The following KATNB1 variants were observed in gnomAD, a reference collection of about 807,000 sequenced individuals.
KATNB1 encodes katanin p80 WD40 repeat-containing subunit B1.
Under a neutral mutation model 82.3 loss-of-function variants are expected in KATNB1, and 38 were observed. The observed-to-expected ratio is 0.46, with a 90% CI of 0.36 to 0.61. KATNB1 has a LOEUF of 0.61. KATNB1 is among the 20% of genes least tolerant of loss of function. KATNB1 has a pLI of 0.00. For missense variants in KATNB1, 749 were observed against 915.7 expected (o/e 0.82, Z 2.35); for synonymous variants, 361 against 368.7 (o/e 0.98, Z 0.24).
chr16:57,743,292 C>CAAAAGA (rs1188039732), intron 3 of KATNB1, among the ~76,000 whole-genome samples: 1 of 151,986 alleles, frequency 6.6e-6, no homozygotes, highest in Non-Finnish European at 1.5e-5. Context: ...GATTCCATCT[C>CAAAAGA]AAAAGAAAAA....
Position 57,753,188 on chromosome 16 carries a change from G to C in KATNB1, c.967G>C (p.Ala323Pro), listed in dbSNP as rs782231949. 2.2e-5 allele frequency: 35 copies of C among 1,609,156 alleles called. No individual in the cohort carries two copies. Among genetic ancestry groups the C allele is most frequent in the Non-Finnish European group, 2.9e-5 (34 of 1,179,580 alleles). Residue 323 changes from alanine to proline, a missense_variant, in exon 11 of 20, where the codon GCA (alanine) becomes CCA (proline). Ala to Pro is a conservative substitution (Grantham distance 27, BLOSUM62 -1). Coordinates refer to ENST00000379661, the MANE Select transcript of KATNB1 (RefSeq NM_005886.3). ...CCCTGTGCAGGACCACCGGCCCCTG[G>C]CACAGCCACTGCCCAACCCCAGCGC... Reference protein sequence around the residue: ...RDPVQDHRPLAQPLPNPSAPL... With the variant: ...RDPVQDHRPLPQPLPNPSAPL...
chr16:57,750,356 G>A (rs369601643), intron 4 of KATNB1, among the ~76,000 whole-genome samples: 31 of 152,210 alleles, frequency 2.0e-4, no homozygotes, highest in Non-Finnish European at 3.8e-4. Flanking sequence ...TTGGCAGGAC[G>A]CAGTGGCTCA....
At chr16:57,741,872 G>C in intron 3 of KATNB1, 55 bp downstream of exon 3, 1 of 1,563,050 alleles carries the variant, frequency 6.4e-7, no homozygotes, top group South Asian at 1.2e-5. Flanking sequence ...AGGGGACGGG[G>C]ACAGGGGTTG....
At chr16:57,740,292 C>T (rs1267149827) in intron 2 of KATNB1, among the ~76,000 whole-genome samples, 1 of 152,188 alleles carries the variant, frequency 6.6e-6, no homozygotes, top group African/African-American at 2.4e-5. Context: ...CCCCGACCGG[C>T]CCAGGAGGCA....
intron 18 of KATNB1, 71 bp downstream of exon 18, chr16:57,756,137 TG>T (rs1324017532): frequency 1.3e-6 from 2 of 1,529,448 alleles, no homozygotes; most frequent in African/African-American, 2.7e-5. Flanking sequence ...TCCAGAACCA[TG>T]GGAAGGACCC....
intron 16 of KATNB1, 143 bp from the exon 17 acceptor site, chr16:57,755,697 CT>C: frequency 1.0e-6 from 1 of 983,328 alleles, no homozygotes. Context: ...CATGCCTGGC[CT>C]TACACTCATT....
Position 57,744,479 on chromosome 16 carries a change from C to T in KATNB1, c.257C>T (p.Ser86Phe). ...ELIVAGSQSG[S>F]IRVWDLEAAK... ...ATCGTGGCCGGCTCTCAGTCGGGCT[C>T]CATCCGTGTCTGGGACCTGGAAGCT... Residue 86 changes from serine (S) to phenylalanine (F), a missense_variant, in exon 4 of 20, where the codon TCC becomes TTC. Around this residue, in one of 3 missense-constraint regions of KATNB1, gnomAD observed 247 missense variants for 349.4 expected, o/e 0.71. Transcript: ENST00000379661. The T allele has an allele frequency of 6.2e-7, 1 of 1,614,092 alleles. No homozygotes were observed. Among genetic ancestry groups the T allele is most frequent in the Non-Finnish European group, 8.5e-7 (1 of 1,180,032 alleles).
chr16:57,737,218 G>A lies in KATNB1; in HGVS notation c.-26G>A. On this transcript the variant is annotated 5_prime_UTR_variant, in exon 2 of 20. Transcript: ENST00000379661. ...AAAGCACAGTTTATTTTGTGGGTGG[G>A]GCTTCAGGTGCCAGCCAGCTGAAGG... is the stretch of plus-strand genomic sequence containing the variant. 2 of 1,613,974 alleles carry A rather than the reference G, an allele frequency of 1.2e-6. No homozygotes were observed. Among genetic ancestry groups the A allele is most frequent in the Non-Finnish European group, 8.5e-7 (1 of 1,179,988 alleles).
In KATNB1 at chr16:57,756,089, T is replaced by G. The variant is rs782454103; in HGVS notation, c.1718+23T>G. On this transcript the variant is annotated intron_variant, in intron 18 of 19. Coordinates refer to ENST00000379661, the MANE Select transcript of KATNB1 (RefSeq NM_005886.3). ...GAGGTGCGTGTGGGGAAGCCATGCC[T>G]GCCTGAAGCAGGGGGAGGGGAGAGG... The G allele has an allele frequency of 2.5e-6, 4 of 1,601,618 alleles. No individual in the cohort carries two copies. In the African/African-American group the frequency reaches 5.3e-5, roughly 21 times the overall value.
chr16:57,740,876 ACT>A (rs1461164015), intron 2 of KATNB1, among the ~76,000 whole-genome samples: 3 of 147,970 alleles, frequency 2.0e-5, no homozygotes, highest in African/African-American at 7.6e-5. Flanking sequence ...CCCCATGCCC[ACT>A]CTCTCATGGT....
At chr16:57,743,246 T>C (rs1357553373) in intron 3 of KATNB1, among the ~76,000 whole-genome samples, 2 of 152,172 alleles carry the variant, frequency 1.3e-5, no homozygotes, top group Non-Finnish European at 2.9e-5. Context: ...TAAGCCGAGA[T>C]GGTGCCACTG....
At chr16:57,754,611 C>T (rs1195954032) in intron 13 of KATNB1, among the ~76,000 whole-genome samples, 3 of 152,116 alleles carry the variant, frequency 2.0e-5, no homozygotes, top group East Asian at 3.8e-4. Flanking sequence ...CCTGGCTTTC[C>T]TAGGAGCCTC....
intron 8 of KATNB1, 30 bp downstream of exon 8, chr16:57,752,085 G>C: frequency 7.1e-7 from 1 of 1,414,306 alleles, no homozygotes; most frequent in Non-Finnish European, 1.0e-6. Flanking sequence ...CGAGTTGCTT[G>C]TGACTGCTGT....
rs782187756 is a variant in KATNB1, at chr16:57,741,756, C to T, written c.110C>T (p.Ala37Val). Residue 37 changes from alanine to valine, a missense_variant, in exon 3 of 20, where the codon GCT (alanine) becomes GTT (valine). Physicochemically the swap from Ala to Val is moderately conservative, Grantham distance 64. Coordinates refer to ENST00000379661, the MANE Select transcript of KATNB1 (RefSeq NM_005886.3). ...VLGKASGRLL[A>V]TGGDDCRVNL... Reference sequence around the variant, plus strand: ...GGCAAAGCCTCCGGGCGGCTGCTGGCTACAGGCGGGGATGACTGCCGCGTC... The same window carrying T: ...GGCAAAGCCTCCGGGCGGCTGCTGGTTACAGGCGGGGATGACTGCCGCGTC... 9 of 1,614,052 alleles carry T rather than the reference C, an allele frequency of 5.6e-6. No homozygotes were observed. In the Admixed American group the frequency reaches 1.2e-4, roughly 21 times the overall value.
Position 57,751,802 on chromosome 16 carries a change from C to T in KATNB1, c.516+78C>T, listed in dbSNP as rs2049230148. Reference sequence around the variant, plus strand: ...CACAGCAGGCTGAGTCCTCACCTCCCTCCTGATCGGGCTCACATGTCCCAA... The same window carrying T: ...CACAGCAGGCTGAGTCCTCACCTCCTTCCTGATCGGGCTCACATGTCCCAA... On this transcript the variant is annotated intron_variant, in intron 7 of 19. Transcript: ENST00000379661. This position sits in a 1 kb window ranked among gnomAD's most constrained non-coding sequence, Gnocchi z 6.3. The T allele has an allele frequency of 4.8e-6, 7 of 1,462,898 alleles. No individual in the cohort carries two copies. The highest frequency in any genetic ancestry group is 6.6e-6 in the Non-Finnish European group (7 of 1,053,142). The allele number at this position is 1,462,898 out of a possible 1,614,324, so 90.6% of individuals were successfully genotyped here. A position where few individuals can be genotyped will look rare whatever the true frequency, so the allele number is the denominator to read the frequency against.
rs2049169381 is a variant in KATNB1, at chr16:57,744,610, T to C, written c.289+99T>C. On this transcript the variant is annotated intron_variant, in intron 4 of 19. Transcript: ENST00000379661. ...TCCAGGAAGCCTGCCTGGACTACGTTGGCTGCTTTGCTCCTGGAGCACTAA... is the reference window on the plus strand; with the variant it reads ...TCCAGGAAGCCTGCCTGGACTACGTCGGCTGCTTTGCTCCTGGAGCACTAA... 15 of 993,712 alleles carry C rather than the reference T, an allele frequency of 1.5e-5. No individual in the cohort carries two copies. The South Asian group carries it at 2.0e-4, about 13-fold the overall frequency. The allele number at this position is 993,712 out of a possible 1,614,324, so 61.6% of individuals were successfully genotyped here.
intron 18 of KATNB1, 58 bp downstream of exon 18, chr16:57,756,124 T>C (rs2049275504): frequency 6.4e-7 from 1 of 1,567,192 alleles, no homozygotes; most frequent in Non-Finnish European, 8.7e-7. Context: ...GTAAGAAGCC[T>C]CCTCCAGAAC....
chr16:57,737,291 G>T lies in KATNB1; in HGVS notation c.40+8G>T, dbSNP rs754763695. 6.2e-7 allele frequency: 1 copy of T among 1,614,128 alleles called. No homozygotes were observed. The highest frequency in any genetic ancestry group is 8.5e-7 in the Non-Finnish European group (1 of 1,180,024). Reference sequence around the variant, plus strand: ...AGACAGCCTGGAAGTTGCGTGAGTGGTTTTCATTTTTCTTTATCACCCCAT... The same window carrying T: ...AGACAGCCTGGAAGTTGCGTGAGTGTTTTTCATTTTTCTTTATCACCCCAT... On this transcript the variant is annotated splice_region_variant and intron_variant, in intron 2 of 19. Transcript: ENST00000379661.
intron 3 of KATNB1, among the ~76,000 whole-genome samples, chr16:57,742,063 G>A (rs1172057497): frequency 6.6e-6 from 1 of 152,346 alleles, no homozygotes; most frequent in Admixed American, 6.5e-5. Context: ...CCTCAGGAGC[G>A]AGGGAGTCAC....
Sources: gnomAD v4.1 joint callset for allele counts (sites outside exome capture counted in the v4.1 genomes callset) on GRCh38, gnomAD v4.1.1 for gene constraint, gnomAD v4.1.1 regional missense constraint, Gnocchi (gnomAD v3.1) non-coding constraint, MANE v1.5 for transcripts, NCBI Gene and HGNC (gene_info 2026-07-23, HGNC 2026-07-21) for gene names.